PDXDC1: variants seen among roughly 807,000 people sequenced by gnomAD.
PDXDC1 encodes pyridoxal-dependent decarboxylase domain-containing protein 1.
Under a neutral mutation model 100.1 loss-of-function variants are expected in PDXDC1, and 42 were observed. The observed-to-expected ratio is 0.42, with a 90% CI of 0.33 to 0.54. PDXDC1 has a LOEUF of 0.54. Among genes scored for constraint, PDXDC1 ranks in the 20% least tolerant of loss-of-function variants. The pLI, the probability that PDXDC1 is intolerant of heterozygous loss-of-function variation, is 0.10. For synonymous variants in PDXDC1, 260 were observed against 371.7 expected, an observed-to-expected ratio of 0.70 and a Z score of 3.46; for missense variants, 636 against 979.2, an observed-to-expected ratio of 0.65 and a Z score of 4.68.
At chr16:15,143,776 C>G (rs1273422306), downstream of PDXDC1, among the ~76,000 whole-genome samples, 1 of 152,226 alleles carries the variant, frequency 6.6e-6, no homozygotes, top group Admixed American at 6.5e-5. Flanking sequence ...CCAGACAAAC[C>G]AGACCTGCCT....
chr16:15,136,585 A>C (rs2048352332), intron 16 of PDXDC1: 1 of 1,120,842 alleles, frequency 8.9e-7, no homozygotes, highest in East Asian at 2.6e-5. Context: ...CCGGGAGACC[A>C]GGAAGCGCTG....
chr16:15,072,458 AC>A (rs529024432), intron 16 of PDXDC1, among the ~76,000 whole-genome samples: 12 of 152,090 alleles, frequency 7.9e-5, no homozygotes, highest in Non-Finnish European at 1.6e-4. Flanking sequence ...TTTTCGGAGC[AC>A]CTAGCTGGGC....
At chr16:15,031,695 C>T (rs2043074735) in intron 16 of PDXDC1, 40 bp from the exon 17 acceptor site, 1 of 1,565,920 alleles carries the variant, frequency 6.4e-7, no homozygotes, top group Non-Finnish European at 8.8e-7. Flanking sequence ...TGTCATTGGC[C>T]ATCTCGTGAG....
the PDXDC1 span, among the ~76,000 whole-genome samples, chr16:15,146,848 G>C: frequency 1.3e-5 from 2 of 152,000 alleles, no homozygotes; most frequent in East Asian, 3.9e-4. Flanking sequence ...CAGTGGCTGA[G>C]CCAGGTCACT....
At position 15,063,088 on chromosome 16, in the gene PDXDC1, C is replaced by G. The variant is rs1360293426; in HGVS notation, c.1399+33032C>G. On this transcript the variant is annotated intron_variant, in intron 16 of 16. Coordinates refer to the PDXDC1 transcript ENST00000535621. ...CCAGCAATCCTCTGGCCTTGACCCC[C>G]TAAAGTGCGGGGATTACACGCACGA... 13 of 856,024 alleles carry G rather than the reference C, an allele frequency of 1.5e-5. No individual in the cohort carries two copies. In the Admixed American group the frequency reaches 2.3e-4, roughly 15 times the overall value. The allele number at this position is 856,024 out of a possible 1,614,324, so 53.0% of individuals were successfully genotyped here.
chr16:15,071,002 G>A (rs1353977639), intron 16 of PDXDC1: 2 of 791,736 alleles, frequency 2.5e-6, no homozygotes, highest in Non-Finnish European at 4.0e-6. Flanking sequence ...CACAGAGTAG[G>A]GATTTTATTC....
At chr16:15,006,254 A>T (rs1326975054) in intron 5 of PDXDC1, 140 bp from the exon 6 acceptor site, 2 of 605,914 alleles carry the variant, frequency 3.3e-6, no homozygotes, top group African/African-American at 3.7e-5. Flanking sequence ...TATGATGAGG[A>T]TGTTTCACAT....
chr16:15,100,487 T>A (rs2046503345), intron 16 of PDXDC1, among the ~76,000 whole-genome samples: 1 of 152,168 alleles, frequency 6.6e-6, no homozygotes, highest in Admixed American at 6.5e-5. Context: ...TCATTGAGAT[T>A]TTGGGCCAAC....
At chr16:15,126,824 G>A (rs1030279033) in intron 16 of PDXDC1, 1 of 166,330 alleles carries the variant, frequency 6.0e-6, no homozygotes, top group Non-Finnish European at 1.3e-5. Context: ...GCCCAGCTAA[G>A]TTTTTGTATT....
chr16:15,008,387 G>C (rs547037757), intron 6 of PDXDC1, among the ~76,000 whole-genome samples: 1 of 152,246 alleles, frequency 6.6e-6, no homozygotes, highest in East Asian at 1.9e-4. Context: ...ATAAGATACT[G>C]TTCTTTGAAT....
intron 16 of PDXDC1, among the ~76,000 whole-genome samples, chr16:15,054,638 G>C (rs1321772823): frequency 2.0e-5 from 3 of 152,296 alleles, no homozygotes; most frequent in Middle Eastern, 3.4e-3. Context: ...AGAGCTGTCT[G>C]CCTTCTCCCC....
intron 8 of PDXDC1, among the ~76,000 whole-genome samples, chr16:15,014,700 G>A (rs1294249399): frequency 2.6e-5 from 4 of 152,260 alleles, no homozygotes; most frequent in African/African-American, 9.6e-5. Flanking sequence ...GTTGGTGAGT[G>A]TTTGAAATCT....
intron 16 of PDXDC1, chr16:15,092,421 C>T: frequency 6.3e-6 from 5 of 787,726 alleles, no homozygotes; most frequent in Non-Finnish European, 8.9e-6. Flanking sequence ...CTTAATTAAT[C>T]TTGCTATTTC....
At chr16:15,135,920 T>C in intron 16 of PDXDC1, 2 of 1,583,998 alleles carry the variant, frequency 1.3e-6, no homozygotes, top group Non-Finnish European at 8.6e-7. Flanking sequence ...CAGCACCAGC[T>C]GAGGCCGGCT....
Position 15,066,709 on chromosome 16 carries a change from A to G in PDXDC1, c.1399+36653A>G, listed in dbSNP as rs1377045986. ...ACTCAATAAAAAAGATTCCCAGAAC[A>G]TAACACAGCAGTTAAAATCAAAATA... On this transcript the variant is annotated intron_variant, in intron 16 of 16. Coordinates refer to the PDXDC1 transcript ENST00000535621. 2.6e-5 allele frequency among the ~76,000 whole-genome samples: 4 copies of G among 151,742 alleles called. No individual in the cohort carries two copies. In the East Asian group the frequency reaches 7.7e-4, roughly 29 times the overall value.
chr16:15,014,024 T>A (rs2041580008), intron 8 of PDXDC1, among the ~76,000 whole-genome samples: 1 of 152,200 alleles, frequency 6.6e-6, no homozygotes, highest in South Asian at 2.1e-4. Context: ...CTGGCCAAAA[T>A]GGCGAAACCC....
downstream of PDXDC1, among the ~76,000 whole-genome samples, chr16:15,143,025 G>A (rs1190091347): frequency 6.6e-6 from 1 of 152,168 alleles, no homozygotes; most frequent in Non-Finnish European, 1.5e-5. Flanking sequence ...AGCCTGATGG[G>A]TGCCCGAGGG....
At chr16:15,059,027 TTGGA>T (rs2044622290) in intron 16 of PDXDC1, among the ~76,000 whole-genome samples, 1 of 152,150 alleles carries the variant, frequency 6.6e-6, no homozygotes, top group African/African-American at 2.4e-5. Flanking sequence ...TGGTGGAGCT[TTGGA>T]TGTTCAATTA....
rs547255153 is a variant in PDXDC1 at position 14,997,416 on chromosome 16, T to A, written c.22-337T>A. 5.6e-3 allele frequency among the ~76,000 whole-genome samples: 846 copies of A among 152,340 alleles called. 4 individuals are homozygous for A. Among genetic ancestry groups the A allele is most frequent in the Non-Finnish European group, 8.6e-3 (586 of 68,008 alleles). ...TTAGCTGGGCATGGTGGTGTGTGCC[T>A]GTAATCCCAGCTACTTGGGAGGCTG... On this transcript the variant is annotated intron_variant, in intron 1 of 22. Coordinates refer to ENST00000396410, the MANE Select transcript of PDXDC1 (RefSeq NM_015027.4).
Sources: allele counts gnomAD v4.1 joint callset (sites outside exome capture counted in the v4.1 genomes callset), GRCh38; gene constraint gnomAD v4.1.1; transcripts MANE v1.5; gene names NCBI Gene and HGNC (gene_info 2026-07-23, HGNC 2026-07-21).